DPP10: variants seen among roughly 807,000 people sequenced by gnomAD.
The protein encoded by DPP10 is inactive dipeptidyl peptidase 10.
A neutral mutation model predicts 120.9 loss-of-function variants in DPP10; 33 were observed. The ratio of observed to expected loss-of-function variants is 0.27; its 90% CI spans 0.21 to 0.37. The LOEUF (loss-of-function observed/expected upper bound fraction) is 0.37. Ranked by LOEUF, DPP10 falls within the 10% of genes least tolerant of loss-of-function variation. The probability of loss-of-function intolerance (pLI) is 1.00; values close to 1 mark genes in which losing one functional copy is unlikely to be tolerated. For synonymous variants in DPP10, 337 were observed against 326.1 expected, an observed-to-expected ratio of 1.03 and a Z score of -0.36; for missense variants, 816 against 942.8, an observed-to-expected ratio of 0.87 and a Z score of 1.76.
intron 1 of DPP10, among the ~76,000 whole-genome samples, chr2:114,595,493 T>A (rs1691832902): frequency 6.6e-6 from 1 of 152,132 alleles, no homozygotes; most frequent in Non-Finnish European, 1.5e-5. Context: ...AACAAGACAC[T>A]TTCTGCACCT....
chr2:114,861,344 G>T (rs986428504), intron 1 of DPP10, among the ~76,000 whole-genome samples: 1 of 152,086 alleles, frequency 6.6e-6, no homozygotes, highest in Non-Finnish European at 1.5e-5. Context: ...ACCAAACCTC[G>T]AGTACCATGG....
chr2:114,956,071 A>C (rs538517420), intron 1 of DPP10, among the ~76,000 whole-genome samples: 1 of 152,276 alleles, frequency 6.6e-6, no homozygotes, highest in South Asian at 2.1e-4. Flanking sequence ...CTTTTATTCA[A>C]CATAGTACTG....
chr2:114,505,051 C>CAAA lies in DPP10; in HGVS notation c.60+62236_60+62238dup, dbSNP rs3061538. Among the ~76,000 whole-genome samples, 355 of 43,446 alleles carry CAAA rather than the reference C, an allele frequency of 8.2e-3. 2 individuals carry two copies. The highest frequency in any genetic ancestry group is 0.017 in the East Asian group (16 of 934). 28.5% of individuals were successfully genotyped at this position (43,446 alleles called of 152,430 possible). ...TGGGCAACAGAGTGAGACTCTGTCT[C>CAAA]AAAAAAAAAAAAAAAAAAAAAAAAA... On this transcript the variant is annotated intron_variant, in intron 1 of 25. Coordinates refer to ENST00000410059, the MANE Select transcript of DPP10 (RefSeq NM_020868.6).
intron 1 of DPP10, among the ~76,000 whole-genome samples, chr2:115,005,168 G>C (rs1258262080): frequency 1.3e-5 from 2 of 151,874 alleles, no homozygotes; most frequent in African/African-American, 2.4e-5. Context: ...CTCTCTCTTA[G>C]AAGGAAAACT....
chr2:115,357,355 C>G (rs1038007841), intron 3 of DPP10, among the ~76,000 whole-genome samples: 1 of 152,160 alleles, frequency 6.6e-6, no homozygotes. Flanking sequence ...GGTCAAGGGC[C>G]TACAGGCCCC....
In DPP10 at chr2:115,842,407, C is replaced by T. The variant is rs933887324; in HGVS notation, c.*62C>T. On this transcript the variant is annotated 3_prime_UTR_variant, in exon 26 of 26. Coordinates refer to ENST00000410059, the MANE Select transcript of DPP10 (RefSeq NM_020868.6). Reference sequence around the variant, plus strand: ...GGCTCAATGAAACCTGACAAAGAGACTGTAATATTGTAGTTGCTCCAGAAT... The same window carrying T: ...GGCTCAATGAAACCTGACAAAGAGATTGTAATATTGTAGTTGCTCCAGAAT... 1.1e-5 allele frequency: 17 copies of T among 1,548,974 alleles called. No homozygotes were observed. In the East Asian group the frequency reaches 2.3e-4, roughly 21 times the overall value.
At chr2:115,300,797 A>G (rs34553628) in intron 1 of DPP10, among the ~76,000 whole-genome samples, 7,098 of 151,966 alleles carry the variant, frequency 0.047, 287 homozygotes, top group East Asian at 0.2. Flanking sequence ...CAGTTGTTTT[A>G]AAGTCTTTCT....
intron 1 of DPP10, among the ~76,000 whole-genome samples, chr2:114,561,776 G>A (rs1688783901): frequency 6.6e-6 from 1 of 152,074 alleles, no homozygotes; most frequent in Non-Finnish European, 1.5e-5. Flanking sequence ...AGAAATTTCA[G>A]TCAGTTTATC....
intron 5 of DPP10, among the ~76,000 whole-genome samples, chr2:115,546,174 T>C (rs2079488330): frequency 6.6e-6 from 1 of 152,120 alleles, no homozygotes; most frequent in South Asian, 2.1e-4. Context: ...CCCTTTCCAA[T>C]TGGCCACTAA....
intron 17 of DPP10, among the ~76,000 whole-genome samples, chr2:115,789,793 C>T (rs892313114): frequency 4.6e-5 from 7 of 152,140 alleles, no homozygotes; most frequent in African/African-American, 1.7e-4. Flanking sequence ...ACACAAAATT[C>T]AACCATTTCA....
intron 1 of DPP10, among the ~76,000 whole-genome samples, chr2:114,871,452 G>A (rs6752039): frequency 0.99 from 150,371 of 152,272 alleles, 74,277 homozygotes; most frequent in East Asian, 1. Flanking sequence ...GTAATTTGCC[G>A]TTACAAAAAC....
chr2:115,492,965 T>TA (rs1315501865), intron 3 of DPP10, among the ~76,000 whole-genome samples: 1 of 152,138 alleles, frequency 6.6e-6, no homozygotes, highest in Non-Finnish European at 1.5e-5. Flanking sequence ...CTGGTGTATT[T>TA]ATTAGTGGGC....
At chr2:115,155,493 C>G (rs2051851424) in intron 1 of DPP10, among the ~76,000 whole-genome samples, 1 of 152,168 alleles carries the variant, frequency 6.6e-6, no homozygotes. Flanking sequence ...ATAAGTGTTG[C>G]TCAGTAAATC....
At chr2:115,282,980 A>G (rs1305997005) in intron 1 of DPP10, among the ~76,000 whole-genome samples, 1 of 152,044 alleles carries the variant, frequency 6.6e-6, no homozygotes. Context: ...TCAAACTTCT[A>G]TGTATATTTA....
intron 5 of DPP10, among the ~76,000 whole-genome samples, chr2:115,615,739 T>G (rs1267526140): frequency 6.6e-6 from 1 of 152,160 alleles, no homozygotes; most frequent in Non-Finnish European, 1.5e-5. Context: ...AATCTAATAT[T>G]TTCGAAAAAT....
chr2:114,999,423 G>T (rs747464231), intron 1 of DPP10, among the ~76,000 whole-genome samples: 1 of 152,036 alleles, frequency 6.6e-6, no homozygotes. Context: ...TTGCCATGTC[G>T]AATTATTCAC....
chr2:114,734,732 T>C (rs891421225), intron 1 of DPP10, among the ~76,000 whole-genome samples: 2 of 152,234 alleles, frequency 1.3e-5, no homozygotes, highest in Non-Finnish European at 2.9e-5. Flanking sequence ...AAATGGTCTC[T>C]TAAAATAGTC....
At chr2:115,300,859 T>C (rs1385957942) in intron 1 of DPP10, among the ~76,000 whole-genome samples, 2 of 152,040 alleles carry the variant, frequency 1.3e-5, no homozygotes, top group East Asian at 1.9e-4. Flanking sequence ...GAGATTTATT[T>C]TGATCTTTTG....
chr2:115,369,605 T>A (rs2065280062), intron 3 of DPP10, among the ~76,000 whole-genome samples: 1 of 152,104 alleles, frequency 6.6e-6, no homozygotes, highest in Non-Finnish European at 1.5e-5. Flanking sequence ...ACTGGAAATC[T>A]GTTTAAGACA....
Sources: gnomAD v4.1 joint callset for allele counts (sites outside exome capture counted in the v4.1 genomes callset) on GRCh38, gnomAD v4.1.1 for gene constraint, MANE v1.5 for transcripts, NCBI Gene and HGNC (gene_info 2026-07-23, HGNC 2026-07-21) for gene names.